POLB: variants seen among roughly 807,000 people sequenced by gnomAD.
POLB encodes the protein 5'-dRP lyase.
A neutral mutation model predicts 52.7 loss-of-function variants in POLB; 37 were observed. That is an observed-to-expected ratio of 0.70 (90% CI 0.54 to 0.92). The LOEUF is 0.92. Ranked by LOEUF, POLB falls within the 40% of genes least tolerant of loss-of-function variation. The pLI is 0.00. For missense variants in POLB, 313 were observed against 400.8 expected (o/e 0.78, Z 1.87); for synonymous variants, 138 against 131.3 (o/e 1.05, Z -0.35).
At chr8:42,355,930 C>T (rs1014740055) in intron 7 of POLB, among the ~76,000 whole-genome samples, 1 of 152,054 alleles carries the variant, frequency 6.6e-6, no homozygotes, top group African/African-American at 2.4e-5. Flanking sequence ...TTGAGTGTAG[C>T]TTTTAAGAAG....
At chr8:42,363,294 C>T (rs562621839) in intron 11 of POLB, among the ~76,000 whole-genome samples, 4 of 151,656 alleles carry the variant, frequency 2.6e-5, no homozygotes, top group East Asian at 3.9e-4. Context: ...TTTGGGAGGC[C>T]GAGGTCAGCG....
At chr8:42,369,239 T>C (rs1192324949) in intron 11 of POLB, 32 bp from the exon 12 acceptor site, 1 of 1,339,514 alleles carries the variant, frequency 7.5e-7, no homozygotes, top group East Asian at 2.3e-5. Context: ...GTTTAGAACA[T>C]CTTTAAACTT....
chr8:42,370,737 T>C (rs1036343036), intron 13 of POLB, among the ~76,000 whole-genome samples: 1 of 152,152 alleles, frequency 6.6e-6, no homozygotes, highest in Non-Finnish European at 1.5e-5. Flanking sequence ...GGAAGAAGAA[T>C]AATTGTCTTG....
intron 10 of POLB, among the ~76,000 whole-genome samples, chr8:42,362,130 C>T (rs908624881): frequency 3.3e-5 from 5 of 151,924 alleles, no homozygotes; most frequent in Non-Finnish European, 7.4e-5. Flanking sequence ...CGTGGTGGTG[C>T]GCGCCTGTAG....
At chr8:42,353,075 A>G (rs544735758) in intron 6 of POLB, among the ~76,000 whole-genome samples, 1 of 149,290 alleles carries the variant, frequency 6.7e-6, no homozygotes, top group South Asian at 2.1e-4. Flanking sequence ...CTCTGTCTCA[A>G]AAAAAAAAAG....
At position 42,342,070 on chromosome 8, in the gene POLB, T is replaced by C. The variant is rs577788527; in HGVS notation, c.120-2883T>C. 102 of 943,428 alleles carry C rather than the reference T, an allele frequency of 1.1e-4. No individual in the cohort carries two copies. In the African/African-American group the frequency reaches 1.6e-3, roughly 15 times the overall value. The allele number at this position is 943,428 out of a possible 1,614,324, so 58.4% of individuals were successfully genotyped here. ...GGCCTATGTTGTGCTTCTGGTGTAATTCTGCATTGAATTCCTTGCTTTCAG... is the reference window on the plus strand; with the variant it reads ...GGCCTATGTTGTGCTTCTGGTGTAACTCTGCATTGAATTCCTTGCTTTCAG... On this transcript the variant is annotated intron_variant, in intron 2 of 13. Transcript: ENST00000265421.
Position 42,369,325 on chromosome 8 carries a change from A to T in POLB, c.763A>T (p.Ile255Phe), listed in dbSNP as rs184348926. 6.3e-7 allele frequency: 1 copy of T among 1,576,842 alleles called. No homozygotes were observed. The highest frequency in any genetic ancestry group is 8.7e-7 in the Non-Finnish European group (1 of 1,147,518). ...NDEKEYPHRR[I>F]DIRLIPKDQY... is the part of the protein sequence containing the mutation. ...TGAAAAAGAATATCCACACAGAAGA[A>T]TTGATATCAGGTATTGTTCAGACTT... Residue 255 changes from isoleucine (I) to phenylalanine (F), a missense_variant, in exon 12 of 14, where the codon ATT becomes TTT. By Grantham distance (21) the Ile-to-Phe change is conservative. Coordinates refer to ENST00000265421, the MANE Select transcript of POLB (RefSeq NM_002690.3).
intron 9 of POLB, chr8:42,357,963 G>A (rs1029069159): frequency 1.3e-5 from 2 of 152,096 alleles, no homozygotes; most frequent in African/African-American, 4.8e-5. Flanking sequence ...TTGGCCTCGT[G>A]ATCCACCCAC....
intron 6 of POLB, among the ~76,000 whole-genome samples, chr8:42,353,042 C>T (rs572422144): frequency 8.8e-4 from 133 of 151,470 alleles, no homozygotes; most frequent in African/African-American, 3.1e-3. Flanking sequence ...CCACTGCACT[C>T]CAGCCTGGGT....
chr8:42,358,279 G>T (rs1823451806), intron 9 of POLB, among the ~76,000 whole-genome samples: 1 of 152,002 alleles, frequency 6.6e-6, no homozygotes, highest in African/African-American at 2.4e-5. Flanking sequence ...GAGCCGGGCG[G>T]ATCACAAGGT....
intron 2 of POLB, among the ~76,000 whole-genome samples, chr8:42,343,468 A>G (rs1585868741): frequency 1.3e-5 from 2 of 148,652 alleles, no homozygotes; most frequent in African/African-American, 4.9e-5. Flanking sequence ...CAGAGGCTAC[A>G]GTGAGTCAAG....
At chr8:42,340,922 G>C (rs1436396574) in intron 2 of POLB, among the ~76,000 whole-genome samples, 1 of 152,206 alleles carries the variant, frequency 6.6e-6, no homozygotes, top group Non-Finnish European at 1.5e-5. Flanking sequence ...TCTCAGAAAG[G>C]AGGTGTTTAG....
chr8:42,363,872 A>G (rs1823873419), intron 11 of POLB, among the ~76,000 whole-genome samples: 1 of 152,062 alleles, frequency 6.6e-6, no homozygotes, highest in Non-Finnish European at 1.5e-5. Flanking sequence ...AGATTAATAA[A>G]TGATTCTGTA....
At chr8:42,364,344 TCCTC>T (rs1823911962) in intron 11 of POLB, among the ~76,000 whole-genome samples, 1 of 152,076 alleles carries the variant, frequency 6.6e-6, no homozygotes. Context: ...GTTCAAGCAA[TCCTC>T]CCACCTAGTA....
chr8:42,357,509 C>G lies in POLB; in HGVS notation c.550+117C>G, dbSNP rs1585898632. On this transcript the variant is annotated intron_variant, in intron 9 of 13. Coordinates refer to ENST00000265421, the MANE Select transcript of POLB (RefSeq NM_002690.3). ...TGGTACTTCATAGACTCACTAAGACCTAGTAGTATTAGTTAAGGGTATTTG... is the reference window on the plus strand; with the variant it reads ...TGGTACTTCATAGACTCACTAAGACGTAGTAGTATTAGTTAAGGGTATTTG... 4 of 623,104 alleles carry G rather than the reference C, an allele frequency of 6.4e-6. No individual in the cohort carries two copies. The East Asian group carries it at 1.1e-4, about 17-fold the overall frequency. 38.6% of individuals were successfully genotyped at this position (623,104 alleles called of 1,614,324 possible).
chr8:42,358,780 C>T (rs1174263479), intron 9 of POLB, among the ~76,000 whole-genome samples: 1 of 152,162 alleles, frequency 6.6e-6, no homozygotes, highest in Non-Finnish European at 1.5e-5. Context: ...AAATCTACCA[C>T]TATTATGTCT....
intron 4 of POLB, 44 bp from the exon 5 acceptor site, chr8:42,349,963 C>G (rs3136745): frequency 0.038 from 49,515 of 1,313,704 alleles, 1,143 homozygotes; most frequent in Non-Finnish European, 0.043. Flanking sequence ...TTTAAGTCCT[C>G]AAAGCATTCC....
chr8:42,354,792 T>G (rs1427713984), intron 6 of POLB, among the ~76,000 whole-genome samples: 1 of 151,942 alleles, frequency 6.6e-6, no homozygotes, highest in Admixed American at 6.6e-5. Flanking sequence ...TCCTCCCACC[T>G]CAGCCTCCCA....
intron 11 of POLB, among the ~76,000 whole-genome samples, chr8:42,364,022 G>T (rs531464325): frequency 1.3e-5 from 2 of 151,702 alleles, no homozygotes; most frequent in Non-Finnish European, 2.9e-5. Context: ...CACCTCCCGG[G>T]TTCAAGCAGT....
Sources: gnomAD v4.1 joint callset for allele counts (sites outside exome capture counted in the v4.1 genomes callset) on GRCh38, gnomAD v4.1.1 for gene constraint, MANE v1.5 for transcripts, NCBI Gene and HGNC (gene_info 2026-07-23, HGNC 2026-07-21) for gene names.